The following ISLR2 variants were observed in gnomAD, a reference collection of about 807,000 sequenced individuals.
The protein encoded by ISLR2 is immunoglobulin superfamily containing leucine rich repeat 2, also known as immunoglobulin superfamily containing leucine-rich repeat protein 2.
A neutral mutation model predicts 25.5 loss-of-function variants in ISLR2; 16 were observed. That is an observed-to-expected ratio of 0.63 (90% CI 0.43 to 0.95). ISLR2 has a LOEUF of 0.95. Ranked by LOEUF, ISLR2 falls within the 40% of genes least tolerant of loss-of-function variation. The probability of loss-of-function intolerance (pLI) is 0.00; values close to 1 mark genes in which losing one functional copy is unlikely to be tolerated. For synonymous variants in ISLR2, 508 were observed against 486.6 expected (o/e 1.04, Z -0.58); for missense variants, 883 against 1,030.7 (o/e 0.86, Z 1.96).
At chr15:74,138,032 C>T (rs576033670), downstream of ISLR2, among the ~76,000 whole-genome samples, 109 of 152,146 alleles carry the variant, frequency 7.2e-4, no homozygotes, top group Non-Finnish European at 1.3e-3. Flanking sequence ...TTCTGTACAT[C>T]TTCTTGGTGA....
chr15:74,124,975 A>T (rs144500621), upstream of ISLR2, among the ~76,000 whole-genome samples: 30 of 152,228 alleles, frequency 2.0e-4, no homozygotes, highest in East Asian at 5.8e-3. Flanking sequence ...TTGTGAGACG[A>T]TACACTTAAT....
chr15:74,107,402 G>A (rs2072129801), intron 2 of ISLR2, among the ~76,000 whole-genome samples: 1 of 152,164 alleles, frequency 6.6e-6, no homozygotes, highest in Admixed American at 6.5e-5. Flanking sequence ...GTGTGGGTAT[G>A]GCTGTCCATT....
At chr15:74,122,416 G>C (rs2072260228) in intron 2 of ISLR2, among the ~76,000 whole-genome samples, 1 of 152,228 alleles carries the variant, frequency 6.6e-6, no homozygotes, top group Non-Finnish European at 1.5e-5. Flanking sequence ...GGCAGCCCTT[G>C]GCCAATGTCT....
At chr15:74,100,351 G>A (rs2072074694) in exon 1 of ISLR2, 1 of 1,215,234 alleles carries the variant, frequency 8.2e-7, no homozygotes, top group Admixed American at 4.6e-5. Flanking sequence ...CAGCCCGCTG[G>A]AGGTGCCGGG....
chr15:74,121,245 G>A (rs892106448), intron 2 of ISLR2, among the ~76,000 whole-genome samples: 3 of 152,118 alleles, frequency 2.0e-5, no homozygotes, highest in Admixed American at 1.3e-4. Flanking sequence ...TATGTGGGTT[G>A]GACACAGTGG....
In ISLR2 at chr15:74,132,931, C is replaced by G. The variant is rs147878498; in HGVS notation, c.177C>G (p.Ser59=). The change falls in exon 3 of 3, where the codon TCC becomes TCG. Residue 59 remains serine (S), a synonymous_variant. Transcript: ENST00000453268. The surrounding 1 kb of genome is among the most constrained non-coding windows in gnomAD (Gnocchi z 4.3). ...LPANVTTLSL[S]ANKITVLRRG... is the part of the protein sequence containing the mutation. ...CCAACGTGACGACGCTTAGTCTGTC[C>G]GCGAACAAGATCACTGTGCTGCGGC... 28 of 1,613,936 alleles carry G rather than the reference C, an allele frequency of 1.7e-5. No individual in the cohort carries two copies. Among genetic ancestry groups the G allele is most frequent in the Non-Finnish European group, 2.3e-5 (27 of 1,179,938 alleles).
At chr15:74,123,620 A>T (rs1413143575), upstream of ISLR2, among the ~76,000 whole-genome samples, 5 of 152,186 alleles carry the variant, frequency 3.3e-5, no homozygotes, top group African/African-American at 1.2e-4. Context: ...CCTAAGACCA[A>T]GGTAGAATTA....
intron 2 of ISLR2, among the ~76,000 whole-genome samples, chr15:74,120,447 G>C (rs548817235): frequency 1.3e-5 from 2 of 151,582 alleles, no homozygotes; most frequent in Non-Finnish European, 2.9e-5. Flanking sequence ...GCTTGAACCC[G>C]GGAGGTGGAG....
upstream of ISLR2, chr15:74,128,088 C>T (rs1166948481): frequency 4.4e-6 from 1 of 226,950 alleles, no homozygotes; most frequent in Non-Finnish European, 8.7e-6. Flanking sequence ...TTCCCGGCTC[C>T]ACAGCCCTCC....
At chr15:74,122,782 C>G (rs2072262964) in intron 2 of ISLR2, among the ~76,000 whole-genome samples, 1 of 152,166 alleles carries the variant, frequency 6.6e-6, no homozygotes, top group Admixed American at 6.5e-5. Context: ...CTGTTCTGGG[C>G]TTTGATGGGG....
At chr15:74,102,191 C>A in intron 1 of ISLR2, among the ~76,000 whole-genome samples, 1 of 57,102 alleles carries the variant, frequency 1.8e-5, no homozygotes, top group Non-Finnish European at 3.3e-5. Flanking sequence ...GCATTTCAGT[C>A]AACTTGAGCA....
rs763897570 is a variant in ISLR2, at chr15:74,134,183, G to C, written c.1429G>C (p.Ala477Pro). The C allele has an allele frequency of 6.1e-5, 98 of 1,611,866 alleles. No homozygotes were observed. Among genetic ancestry groups the C allele is most frequent in the Non-Finnish European group, 7.2e-5 (85 of 1,179,222 alleles). ...YVSNHAFNQS[A>P]ELKPHVFELG... ...TTCTAACCACGCGTTCAACCAGAGC[G>C]CAGAGCTCAAGCCGCACGTCTTCGA... The change falls in exon 3 of 3, where the codon GCA (alanine) becomes CCA (proline). Residue 477 changes from alanine to proline, a missense_variant. Transcript: ENST00000453268.
upstream of ISLR2, chr15:74,127,403 G>A (rs1014492653): frequency 6.6e-6 from 1 of 152,244 alleles, no homozygotes; most frequent in Non-Finnish European, 1.5e-5. Context: ...TTGTGCCAGG[G>A]ACTAGTCGCT....
upstream of ISLR2, among the ~76,000 whole-genome samples, chr15:74,124,390 G>C (rs955402692): frequency 6.6e-6 from 1 of 152,004 alleles, no homozygotes; most frequent in African/African-American, 2.4e-5. Flanking sequence ...TATGACAATA[G>C]GTGTCAAGAC....
chr15:74,107,837 T>TG (rs1161036949), intron 2 of ISLR2, among the ~76,000 whole-genome samples: 4 of 152,072 alleles, frequency 2.6e-5, no homozygotes, highest in Non-Finnish European at 5.9e-5. Flanking sequence ...GGCCAGGCCA[T>TG]GGGGTGTAGC....
chr15:74,107,149 C>A (rs890721863), intron 2 of ISLR2, among the ~76,000 whole-genome samples: 1 of 152,134 alleles, frequency 6.6e-6, no homozygotes, highest in Non-Finnish European at 1.5e-5. Context: ...CCAAAGGCAT[C>A]CAGGGTAAAG....
intron 2 of ISLR2, among the ~76,000 whole-genome samples, chr15:74,107,709 G>A (rs1351711152): frequency 3.3e-5 from 5 of 152,316 alleles, no homozygotes; most frequent in Non-Finnish European, 5.9e-5. Flanking sequence ...CCTTGGGAAG[G>A]CACCTCCTCC....
chr15:74,107,291 C>T (rs2072128475), intron 2 of ISLR2, among the ~76,000 whole-genome samples: 1 of 152,202 alleles, frequency 6.6e-6, no homozygotes, highest in African/African-American at 2.4e-5. Flanking sequence ...GGAACTGATC[C>T]ACCTGTAAGA....
chr15:74,112,425 T>C (rs1268942924), intron 2 of ISLR2, among the ~76,000 whole-genome samples: 5 of 152,212 alleles, frequency 3.3e-5, no homozygotes, highest in Admixed American at 2.6e-4. Flanking sequence ...CTTTTAACCA[T>C]CTTCACCAAG....
Sources: gnomAD v4.1 joint callset for allele counts (sites outside exome capture counted in the v4.1 genomes callset) on GRCh38, gnomAD v4.1.1 for gene constraint, Gnocchi (gnomAD v3.1) non-coding constraint, MANE v1.5 for transcripts, NCBI Gene and HGNC (gene_info 2026-07-23, HGNC 2026-07-21) for gene names.